Variants in TNFAIP6 observed in about 807,000 individuals in gnomAD.
TNFAIP6 encodes tumor necrosis factor-inducible gene 6 protein.
Under a neutral mutation model 33.7 loss-of-function variants are expected in TNFAIP6, and 36 were observed. The observed-to-expected ratio is 1.07, with a 90% confidence interval of 0.82 to 1.41. TNFAIP6 has a LOEUF of 1.41. TNFAIP6 is among the 40% of genes most tolerant of loss of function. TNFAIP6 has a pLI of 0.00. For missense variants in TNFAIP6, 273 were observed against 331.9 expected (o/e 0.82, Z 1.38); for synonymous variants, 113 against 112.8 (o/e 1.00, Z -0.01).
In TNFAIP6 at chr2:151,370,267, A is replaced by G; in HGVS notation, c.623+19A>G. On this transcript the variant is annotated intron_variant, in intron 4 of 5. Transcript: ENST00000243347. Reference sequence around the variant, plus strand: ...TGGGAAGGTACGTATGGGTCCCCATACAGGAAGTTAAATGAACGTCCAGTA... The same window carrying G: ...TGGGAAGGTACGTATGGGTCCCCATGCAGGAAGTTAAATGAACGTCCAGTA... The G allele has an allele frequency of 1.3e-6, 2 of 1,570,272 alleles. No individual in the cohort carries two copies. Among genetic ancestry groups the G allele is most frequent in the Admixed American group, 1.7e-5 (1 of 59,042 alleles).
intron 1 of TNFAIP6, 56 bp downstream of exon 1, chr2:151,357,816 G>C: frequency 8.6e-7 from 1 of 1,156,300 alleles, no homozygotes; most frequent in Non-Finnish European, 1.3e-6. Context: ...TTAAATCATG[G>C]AGAAGGAAAT....
intron 5 of TNFAIP6, among the ~76,000 whole-genome samples, chr2:151,375,367 T>C (rs1684887978): frequency 6.6e-6 from 1 of 152,008 alleles, no homozygotes; most frequent in Non-Finnish European, 1.5e-5. Flanking sequence ...AGGACATTGA[T>C]ACAAAGTAAT....
At chr2:151,360,928 C>T (rs1684614730) in intron 1 of TNFAIP6, among the ~76,000 whole-genome samples, 1 of 152,062 alleles carries the variant, frequency 6.6e-6, no homozygotes, top group African/African-American at 2.4e-5. Flanking sequence ...ACAGCAAACC[C>T]CTGTGATGTG....
intron 5 of TNFAIP6, among the ~76,000 whole-genome samples, chr2:151,375,082 G>A (rs980636135): frequency 2.2e-5 from 3 of 134,700 alleles, no homozygotes; most frequent in Non-Finnish European, 3.1e-5. Context: ...CCAAGATAGC[G>A]CCATTGCACT....
Position 151,373,218 on chromosome 2 carries a change from G to C in TNFAIP6, c.624-331G>C, listed in dbSNP as rs143030412. Among the ~76,000 whole-genome samples the C allele has an allele frequency of 2.7e-3, 413 of 152,240 alleles. 1 individual carries two copies. Among genetic ancestry groups the C allele is most frequent in the African/African-American group, 9.4e-3 (392 of 41,544 alleles). ...TAATCTCAGTTACTTGGGAGGCTGA[G>C]GCAGGAGAATCGCTTGAACCCAGGA... On this transcript the variant is annotated intron_variant, in intron 4 of 5. Transcript: ENST00000243347.
intron 1 of TNFAIP6, among the ~76,000 whole-genome samples, chr2:151,363,318 T>C (rs1684659031): frequency 6.8e-6 from 1 of 147,048 alleles, no homozygotes; most frequent in Admixed American, 6.8e-5. Context: ...AAAATAAAAA[T>C]ACAAAATTAA....
chr2:151,357,732 T>C lies in TNFAIP6; in HGVS notation c.66T>C (p.Asp22=). ...ACACTCAAGGATGGGGATTCAAGGA[T>C]GGAATTTTTCATAACTCCATATGGC... is the stretch of plus-strand genomic sequence containing the variant. ...WEDTQGWGFK[D]GIFHNSIWLE... is the part of the protein sequence containing the mutation. The change falls in exon 1 of 6, where the codon GAT becomes GAC. Residue 22 remains aspartate (D), a synonymous_variant. Transcript: ENST00000243347. 1 of 1,612,018 alleles carries C rather than the reference T, an allele frequency of 6.2e-7. No individual in the cohort carries two copies. The highest frequency in any genetic ancestry group is 8.5e-7 in the Non-Finnish European group (1 of 1,178,184).
intron 4 of TNFAIP6, among the ~76,000 whole-genome samples, chr2:151,371,090 A>G (rs1684809291): frequency 6.6e-6 from 1 of 152,072 alleles, no homozygotes. Flanking sequence ...AAAAGATTAT[A>G]AATTCAGTAA....
downstream of TNFAIP6, among the ~76,000 whole-genome samples, chr2:151,381,183 C>G (rs553848757): frequency 6.6e-6 from 1 of 151,976 alleles, no homozygotes; most frequent in Non-Finnish European, 1.5e-5. Flanking sequence ...TCATAAAAAC[C>G]AGAATTCACC....
At chr2:151,370,327 G>A (rs1267208344) in intron 4 of TNFAIP6, 79 bp downstream of exon 4, 1 of 1,031,760 alleles carries the variant, frequency 9.7e-7, no homozygotes. Flanking sequence ...TCCCTCAACT[G>A]TCCCTATAAT....
rs1573783979 is a variant in TNFAIP6, at chr2:151,371,181, C to G, written c.623+933C>G. Among the ~76,000 whole-genome samples, 5 of 152,272 alleles carry G rather than the reference C, an allele frequency of 3.3e-5. No homozygotes were observed. In the Middle Eastern group the frequency reaches 0.01, roughly 311 times the overall value. On this transcript the variant is annotated intron_variant, in intron 4 of 5. Transcript: ENST00000243347. ...AAATAAGCAAAGTTTAACCCTTTCT[C>G]TCTTTAATATTTTTCCTTTGGCTTT... is the stretch of plus-strand genomic sequence containing the variant.
intron 1 of TNFAIP6, among the ~76,000 whole-genome samples, chr2:151,359,670 G>C (rs1354253678): frequency 6.6e-6 from 1 of 152,174 alleles, no homozygotes; most frequent in Non-Finnish European, 1.5e-5. Flanking sequence ...TTATAGGCGT[G>C]AGCCACCGCA....
chr2:151,378,121 G>C (rs966744478), intron 5 of TNFAIP6, among the ~76,000 whole-genome samples: 3 of 152,128 alleles, frequency 2.0e-5, no homozygotes, highest in Non-Finnish European at 2.9e-5. Context: ...AACATTTTGG[G>C]AAGCTGGGGT....
intron 5 of TNFAIP6, 31 bp downstream of exon 5, chr2:151,373,620 G>T (rs202158329): frequency 7.2e-7 from 1 of 1,393,966 alleles, no homozygotes; most frequent in Non-Finnish European, 9.8e-7. Flanking sequence ...CCAAAACTAT[G>T]ATTTGTTTCT....
At chr2:151,366,987 A>G (rs1684724063) in intron 3 of TNFAIP6, among the ~76,000 whole-genome samples, 1 of 152,178 alleles carries the variant, frequency 6.6e-6, no homozygotes, top group Non-Finnish European at 1.5e-5. Flanking sequence ...GTTACAAAAT[A>G]TTACAGTATG....
chr2:151,368,517 C>T (rs1051686374), intron 3 of TNFAIP6: 2 of 151,604 alleles, frequency 1.3e-5, no homozygotes, highest in African/African-American at 4.8e-5. Flanking sequence ...GATTCTGAGA[C>T]AGCGTTTTTG....
chr2:151,375,049 C>T (rs571155914), intron 5 of TNFAIP6, among the ~76,000 whole-genome samples: 6 of 143,212 alleles, frequency 4.2e-5, no homozygotes, highest in East Asian at 2.2e-4. Flanking sequence ...TGCTTGAACC[C>T]GGGAGGCAGA....
chr2:151,370,054 G>A lies in TNFAIP6; in HGVS notation c.429G>A (p.Lys143=), dbSNP rs1000962247. The A allele has an allele frequency of 8.1e-6, 13 of 1,613,938 alleles. No individual in the cohort carries two copies. The highest frequency in any genetic ancestry group is 4.5e-5 in the East Asian group (2 of 44,866). ...GTGGTGGCGTCTTTACAGATCCAAA[G>A]CAAATTTTTAAATCTCCAGGCTTCC... The part of the protein sequence containing the change: ...KECGGVFTDP[K]QIFKSPGFPN... Residue 143 remains lysine, a synonymous_variant, in exon 4 of 6, where the codon AAG becomes AAA. Transcript: ENST00000243347.
intron 5 of TNFAIP6, among the ~76,000 whole-genome samples, chr2:151,376,982 T>A (rs1443839191): frequency 1.3e-5 from 2 of 149,474 alleles, no homozygotes; most frequent in African/African-American, 5.0e-5. Flanking sequence ...GCTCAAGTGA[T>A]TTTCCCGCAC....
Sources: gnomAD v4.1 joint callset for allele counts (sites outside exome capture counted in the v4.1 genomes callset) on GRCh38, gnomAD v4.1.1 for gene constraint, MANE v1.5 for transcripts, NCBI Gene and HGNC (gene_info 2026-07-23, HGNC 2026-07-21) for gene names.